DSE: variants seen among roughly 807,000 people sequenced by gnomAD.
DSE encodes the protein dermatan sulfate epimerase, also known as dermatan-sulfate epimerase.
Under a neutral mutation model 84.4 loss-of-function variants are expected in DSE, and 36 were observed. The observed-to-expected ratio is 0.43, with a 90% CI of 0.33 to 0.56. The LOEUF is 0.56. DSE is among the 20% of genes least tolerant of loss of function. The probability of loss-of-function intolerance (pLI) is 0.06; values close to 1 mark genes in which losing one functional copy is unlikely to be tolerated. For missense variants in DSE, 862 were observed against 1,169.6 expected (o/e 0.74, Z 3.84); for synonymous variants, 410 against 430.1 (o/e 0.95, Z 0.58).
chr6:116,418,455 G>T (rs990282857), intron 2 of DSE, among the ~76,000 whole-genome samples: 1 of 152,204 alleles, frequency 6.6e-6, no homozygotes, highest in African/African-American at 2.4e-5. Context: ...TACATTAGGT[G>T]TGCAGGCTCA....
At chr6:116,435,384 A>G (rs1326658492) in intron 5 of DSE, among the ~76,000 whole-genome samples, 1 of 152,196 alleles carries the variant, frequency 6.6e-6, no homozygotes, top group Non-Finnish European at 1.5e-5. Context: ...CACAAATGAT[A>G]AAGAAATATT....
chr6:116,365,004 TTGTG>T (rs2114890967), intron 2 of DSE, among the ~76,000 whole-genome samples: 1 of 151,924 alleles, frequency 6.6e-6, no homozygotes, highest in Non-Finnish European at 1.5e-5. Flanking sequence ...GGCTAATTTT[TTGTG>T]TGTGTTTTTA....
intron 1 of DSE, among the ~76,000 whole-genome samples, chr6:116,380,467 AG>A (rs957154000): frequency 6.6e-6 from 1 of 152,056 alleles, no homozygotes; most frequent in African/African-American, 2.4e-5. Flanking sequence ...TGGGTCTCAG[AG>A]GATTTTATAC....
Position 116,430,957 on chromosome 6 carries a change from A to G in DSE, c.674A>G (p.Tyr225Cys), listed in dbSNP as rs780168871. Reference sequence around the variant, plus strand: ...TCCATGTGTTTTCATCCTTCAGGATATCTTCAAGAAGCCTACTTATGGACC... The same window carrying G: ...TCCATGTGTTTTCATCCTTCAGGATGTCTTCAAGAAGCCTACTTATGGACC... Reference protein sequence around the residue: ...TGSLVLMNQGYLQEAYLWTKQ... With the variant: ...TGSLVLMNQGCLQEAYLWTKQ... Residue 225 changes from tyrosine to cysteine, a missense_variant, in exon 4 of 6, where the codon TAT (tyrosine) becomes TGT (cysteine). Transcript: ENST00000644252. 5.6e-6 allele frequency: 9 copies of G among 1,613,276 alleles called. No individual in the cohort carries two copies. The highest frequency in any genetic ancestry group is 2.2e-5 in the East Asian group (1 of 44,880).
intron 2 of DSE, among the ~76,000 whole-genome samples, chr6:116,401,936 A>AC (rs397725972): frequency 1.3e-5 from 2 of 151,412 alleles, no homozygotes; most frequent in African/African-American, 4.9e-5. Context: ...AAAAAAAAAA[A>AC]CTTTCTACAA....
chr6:116,278,743 G>A, intron 2 of DSE: 3 of 1,614,102 alleles, frequency 1.9e-6, no homozygotes, highest in South Asian at 1.1e-5. Context: ...GAAGGACTGG[G>A]GTTCATGCCC....
intron 1 of DSE, among the ~76,000 whole-genome samples, chr6:116,382,163 C>A (rs757017083): frequency 2.0e-5 from 3 of 151,782 alleles, no homozygotes; most frequent in Non-Finnish European, 2.9e-5. Context: ...CTAATTAAAT[C>A]TGCATGACCC....
At chr6:116,287,525 T>G (rs2114663637) in intron 2 of DSE, among the ~76,000 whole-genome samples, 1 of 152,246 alleles carries the variant, frequency 6.6e-6, no homozygotes, top group South Asian at 2.1e-4. Context: ...ACAATTGATG[T>G]CTCAAATTAG....
chr6:116,259,525 G>T (rs1281763904), intron 2 of DSE, among the ~76,000 whole-genome samples: 1 of 152,118 alleles, frequency 6.6e-6, no homozygotes, highest in Non-Finnish European at 1.5e-5. Flanking sequence ...TTTTATTTAA[G>T]TTCAGGGGTA....
chr6:116,331,429 C>T (rs1776927751), intron 2 of DSE, among the ~76,000 whole-genome samples: 1 of 152,116 alleles, frequency 6.6e-6, no homozygotes, highest in Non-Finnish European at 1.5e-5. Flanking sequence ...CCTTATAAAA[C>T]CATCAGATCT....
intron 2 of DSE, among the ~76,000 whole-genome samples, chr6:116,327,511 G>A (rs763992812): frequency 3.9e-5 from 6 of 152,214 alleles, no homozygotes. Context: ...GGAATTGGAG[G>A]AGGATGGATT....
chr6:116,325,159 C>G (rs534032089), intron 2 of DSE, among the ~76,000 whole-genome samples: 2 of 152,322 alleles, frequency 1.3e-5, no homozygotes, highest in Non-Finnish European at 2.9e-5. Context: ...CCAAAGCCTC[C>G]AAACCCACAA....
chr6:116,313,694 T>C (rs570064267), intron 2 of DSE, among the ~76,000 whole-genome samples: 1 of 152,374 alleles, frequency 6.6e-6, no homozygotes, highest in South Asian at 2.1e-4. Context: ...GCATTCTTTT[T>C]CTCTTATTTT....
Position 116,329,686 on chromosome 6 carries a change from G to A in DSE, c.-53-69512G>A, listed in dbSNP as rs999709897. Among the ~76,000 whole-genome samples, 19 of 152,228 alleles carry A rather than the reference G, an allele frequency of 1.2e-4. No homozygotes were observed. In the East Asian group the frequency reaches 1.7e-3, roughly 14 times the overall value. On this transcript the variant is annotated intron_variant, in intron 2 of 3. Coordinates refer to the DSE transcript ENST00000430252. ...ATGAGTGATGTCAACACATCTGACC[G>A]CACTGATTTTACTGACCATGACTAT...
intron 1 of DSE, among the ~76,000 whole-genome samples, chr6:116,388,590 C>T (rs1323218295): frequency 2.0e-5 from 3 of 151,924 alleles, no homozygotes; most frequent in Admixed American, 6.6e-5. Flanking sequence ...AGTTACATTG[C>T]CAGTTGAAAG....
chr6:116,344,114 C>G (rs1218645130), intron 2 of DSE, among the ~76,000 whole-genome samples: 1 of 152,152 alleles, frequency 6.6e-6, no homozygotes, highest in Non-Finnish European at 1.5e-5. Flanking sequence ...AACAAAGCCT[C>G]CAAGAAATAT....
At chr6:116,434,921 C>T (rs1446061036) in intron 5 of DSE, among the ~76,000 whole-genome samples, 2 of 152,148 alleles carry the variant, frequency 1.3e-5, no homozygotes, top group African/African-American at 4.8e-5. Context: ...AGCATGGCAT[C>T]ATCTGCAGAT....
At chr6:116,350,837 T>G (rs1778268194) in intron 2 of DSE, among the ~76,000 whole-genome samples, 1 of 152,124 alleles carries the variant, frequency 6.6e-6, no homozygotes, top group African/African-American at 2.4e-5. Flanking sequence ...CTTTTGGGTC[T>G]TTTCCATGCC....
rs187161633 is a variant in DSE at position 116,444,276 on chromosome 6, C to T, written c.*6931C>T. The T allele has an allele frequency of 1.0e-3, 158 of 152,288 alleles. No homozygotes were observed. The highest frequency in any genetic ancestry group is 3.7e-3 in the African/African-American group (152 of 41,560). The allele number at this position is 152,288 out of a possible 1,614,324, so 9.4% of individuals were successfully genotyped here. On this transcript the variant is annotated 3_prime_UTR_variant, in exon 6 of 6. Coordinates refer to ENST00000644252, the MANE Select transcript of DSE (RefSeq NM_013352.4). ...AACAACTGAAAACTGATTGCTATTA[C>T]TGAACACTGCCCTTAGGTGGCTCAC...
Sources: allele counts gnomAD v4.1 joint callset (sites outside exome capture counted in the v4.1 genomes callset), GRCh38; gene constraint gnomAD v4.1.1; transcripts MANE v1.5; gene names NCBI Gene and HGNC (gene_info 2026-07-23, HGNC 2026-07-21).